CARD8: variants seen among roughly 807,000 people sequenced by gnomAD.
CARD8 encodes caspase recruitment domain family member 8.
Under a neutral mutation model 53.2 loss-of-function variants are expected in CARD8, and 38 were observed. The observed-to-expected ratio is 0.71, with a 90% CI of 0.55 to 0.94. CARD8 has a LOEUF of 0.94. Ranked by LOEUF, CARD8 falls within the 40% of genes least tolerant of loss-of-function variation. The probability of loss-of-function intolerance (pLI) is 0.00; values close to 1 mark genes in which losing one functional copy is unlikely to be tolerated. For missense variants in CARD8, 561 were observed against 655.5 expected (o/e 0.86, Z 1.57); for synonymous variants, 245 against 244.9 (o/e 1.00, Z 0.00).
downstream of CARD8, among the ~76,000 whole-genome samples, chr19:48,205,220 G>A (rs1274137605): frequency 1.3e-5 from 2 of 151,964 alleles, no homozygotes; most frequent in African/African-American, 4.8e-5. Context: ...GGAAAGTTTC[G>A]GCCATATACA....
intron 1 of CARD8, among the ~76,000 whole-genome samples, chr19:48,252,209 C>T (rs927198450): frequency 5.9e-5 from 9 of 152,062 alleles, no homozygotes; most frequent in Non-Finnish European, 1.2e-4. Context: ...TCCATGATGA[C>T]TTTTGTGGAG....
intron 13 of CARD8, 56 bp from the exon 14 acceptor site, chr19:48,212,031 A>G (rs775684490): frequency 1.1e-5 from 17 of 1,542,736 alleles, no homozygotes; most frequent in Non-Finnish European, 1.5e-5. Flanking sequence ...AGGATTCAGG[A>G]TCTATACCAA....
chr19:48,230,910 G>C lies in CARD8; in HGVS notation c.639C>G (p.Ser213=). ...GGTCCAGGGCCAGGTGCTGACTCCA[G>C]GAACCAAACGCAATCGTCACTGTGA... ...DEVTVTIAFG[S]WSQHLALDLQ... Residue 213 remains serine, a synonymous_variant, in exon 9 of 14, where the codon TCC becomes TCG. Transcript: ENST00000651546. 1 of 1,614,190 alleles carries C rather than the reference G, an allele frequency of 6.2e-7. No individual in the cohort carries two copies. Among genetic ancestry groups the C allele is most frequent in the Non-Finnish European group, 8.5e-7 (1 of 1,180,030 alleles).
At chr19:48,231,930 G>C (rs1390023066) in intron 7 of CARD8, 120 bp from the exon 8 acceptor site, 2 of 854,310 alleles carry the variant, frequency 2.3e-6, no homozygotes, top group Non-Finnish European at 3.9e-6. Flanking sequence ...TGAGAGCTGA[G>C]AGTGACCAGA....
chr19:48,211,860 C>G lies in CARD8; in HGVS notation c.1464G>C (p.Leu488=). 1 of 1,614,160 alleles carries G rather than the reference C, an allele frequency of 6.2e-7. No homozygotes were observed. Among genetic ancestry groups the G allele is most frequent in the Non-Finnish European group, 8.5e-7 (1 of 1,180,038 alleles). ...TCTGCCGTGTCTTTTCCTGCTCCAC[C>G]AGCTCCTTCTCATTCTCAGTAAGAA... The part of the protein sequence containing the change: ...NEVLTENEKE[L]VEQEKTRQSK... Residue 488 remains leucine, a synonymous_variant, in exon 14 of 14, where the codon CTG becomes CTC. Transcript: ENST00000651546.
intron 1 of CARD8, among the ~76,000 whole-genome samples, chr19:48,251,434 T>C (rs748317853): frequency 2.8e-4 from 42 of 152,330 alleles, no homozygotes; most frequent in Admixed American, 5.2e-4. Flanking sequence ...CATATCAGCC[T>C]TGAGGTTTGT....
At position 48,230,365 on chromosome 19, in the gene CARD8, A is replaced by T. The variant is rs1022517011; in HGVS notation, c.1035+73T>A. Reference sequence around the variant, plus strand: ...CCTTGCCCTTTCTGTTCCACGAGGAACTGGAGGGGCCAAGGGGATAACCTG... The same window carrying T: ...CCTTGCCCTTTCTGTTCCACGAGGATCTGGAGGGGCCAAGGGGATAACCTG... On this transcript the variant is annotated intron_variant, in intron 10 of 13. Transcript: ENST00000651546. 1.0e-5 allele frequency: 15 copies of T among 1,488,578 alleles called. No homozygotes were observed. In the Admixed American group the frequency reaches 2.9e-4, roughly 29 times the overall value. 92.2% of individuals were successfully genotyped at this position (1,488,578 alleles called of 1,614,324 possible).
chr19:48,238,039 G>A (rs1156441995), intron 5 of CARD8, among the ~76,000 whole-genome samples: 1 of 151,452 alleles, frequency 6.6e-6, no homozygotes, highest in African/African-American at 2.4e-5. Context: ...TACAGGTGTG[G>A]GCCACTATGC....
At position 48,219,001 on chromosome 19, in the gene CARD8, C is replaced by A. The variant is rs746372647; in HGVS notation, c.1173G>T (p.Leu391Phe). The stretch of plus-strand genomic sequence containing the variant: ...GAATTTCTCCAGGGCTCCTGTAGGA[C>A]AATTTCAACTCCTAGAGGAAACACA... The part of the protein sequence containing the change: ...NLKVMPKELK[L>F]SYRSPGEIQH... The change falls in exon 12 of 14, where the codon TTG becomes TTT. Residue 391 changes from leucine (L) to phenylalanine (F), a missense_variant. Transcript: ENST00000651546. The A allele has an allele frequency of 8.1e-6, 13 of 1,613,914 alleles. No individual in the cohort carries two copies. The highest frequency in any genetic ancestry group is 1.1e-5 in the South Asian group (1 of 91,086).
intron 3 of CARD8, among the ~76,000 whole-genome samples, chr19:48,246,093 T>C (rs776256210): frequency 1.3e-5 from 2 of 152,180 alleles, no homozygotes; most frequent in Non-Finnish European, 2.9e-5. Context: ...CCTCCTTAGA[T>C]TCCTCCAGTC....
intron 3 of CARD8, among the ~76,000 whole-genome samples, chr19:48,242,296 T>C (rs982640372): frequency 7.2e-5 from 11 of 152,178 alleles, no homozygotes; most frequent in African/African-American, 2.4e-4. Flanking sequence ...GTCAGCCGTC[T>C]ATGAACAAGG....
chr19:48,245,198 AAGTT>A (rs546722847), intron 3 of CARD8, among the ~76,000 whole-genome samples: 16 of 152,168 alleles, frequency 1.1e-4, no homozygotes, highest in Non-Finnish European at 1.9e-4. Context: ...ATAAACCAGT[AAGTT>A]AGAGAAAGAA....
At chr19:48,233,266 T>C in intron 6 of CARD8, 1 of 453,376 alleles carries the variant, frequency 2.2e-6, no homozygotes, top group Non-Finnish European at 4.4e-6. Flanking sequence ...CTAACACAGG[T>C]GATACCTTCT....
At position 48,215,201 on chromosome 19, in the gene CARD8, T is replaced by C. The variant is rs983577551; in HGVS notation, c.1348+139A>G. 6.5e-5 allele frequency: 40 copies of C among 616,212 alleles called. 1 individual carries two copies. In the East Asian group the frequency reaches 7.6e-4, roughly 12 times the overall value. 38.2% of individuals were successfully genotyped at this position (616,212 alleles called of 1,614,324 possible). On this transcript the variant is annotated intron_variant, in intron 13 of 13. Coordinates refer to ENST00000651546, the MANE Select transcript of CARD8 (RefSeq NM_001184900.3). ...ATTCTGTCTTCTAAGGAGGCAAGAA[T>C]TGAGGTTGCTGCAGACCTATACGGA... is the stretch of plus-strand genomic sequence containing the variant.
chr19:48,243,066 T>C (rs1328053973), intron 3 of CARD8, among the ~76,000 whole-genome samples: 2 of 152,188 alleles, frequency 1.3e-5, no homozygotes, highest in East Asian at 3.8e-4. Context: ...GAAATACAAA[T>C]CATTAATTTG....
At chr19:48,207,734 G>GTTTTTTTTTTTTTTGT (rs1599964939), downstream of CARD8, among the ~76,000 whole-genome samples, 88 of 116,516 alleles carry the variant, frequency 7.6e-4, 1 homozygote, top group South Asian at 7.0e-3. Flanking sequence ...TTGTTTTTCT[G>GTTTTTTTTTTTTTTGT]TTTTTTTTTT....
rs1032624687 is a variant in CARD8, at chr19:48,218,204, A to T, written c.1303+667T>A. ...AAGAACATTTTATTTTATTCAAACT[A>T]TTTTTTTTAATTTAATTTAAGTTCT... On this transcript the variant is annotated intron_variant, in intron 12 of 13. Transcript: ENST00000651546. Among the ~76,000 whole-genome samples the T allele has an allele frequency of 2.7e-5, 4 of 149,022 alleles. No homozygotes were observed. In the East Asian group the frequency reaches 5.9e-4, roughly 22 times the overall value.
chr19:48,214,820 G>A (rs913533908), intron 13 of CARD8, among the ~76,000 whole-genome samples: 3 of 113,260 alleles, frequency 2.6e-5, no homozygotes, highest in African/African-American at 1.1e-4. Context: ...CGAGAGTCTT[G>A]CTCTGTCGCC....
intron 10 of CARD8, among the ~76,000 whole-genome samples, chr19:48,229,151 G>A (rs556116177): frequency 6.6e-6 from 1 of 152,032 alleles, no homozygotes; most frequent in African/African-American, 2.4e-5. Context: ...AAGAAAAAAA[G>A]AAAAGAAAAG....
Sources: allele counts gnomAD v4.1 joint callset (sites outside exome capture counted in the v4.1 genomes callset), GRCh38; gene constraint gnomAD v4.1.1; transcripts MANE v1.5; gene names NCBI Gene and HGNC (gene_info 2026-07-23, HGNC 2026-07-21).